Variants in RABGAP1 observed in about 807,000 individuals in gnomAD.
RABGAP1 encodes the protein rab GTPase-activating protein 1.
RABGAP1 carries 23 observed loss-of-function variants against 137.6 expected under a neutral mutation model. The observed-to-expected ratio is 0.17, with a 90% CI of 0.12 to 0.24. The LOEUF (loss-of-function observed/expected upper bound fraction) is 0.24, where lower values mean the gene tolerates loss of function less well. RABGAP1 is among the 10% of genes least tolerant of loss of function. The pLI is 1.00. For missense variants in RABGAP1, 906 were observed against 1,275.8 expected, an observed-to-expected ratio of 0.71 and a Z score of 4.42; for synonymous variants, 451 against 450.7, an observed-to-expected ratio of 1.00 and a Z score of -0.01.
chr9:123,058,480 CA>C (rs1413762120), intron 13 of RABGAP1, among the ~76,000 whole-genome samples: 1 of 151,494 alleles, frequency 6.6e-6, no homozygotes, highest in Non-Finnish European at 1.5e-5. Context: ...TACAAAAAAG[CA>C]AAACAATTTT....
At chr9:123,059,257 G>T (rs539449173) in intron 13 of RABGAP1, among the ~76,000 whole-genome samples, 1 of 152,250 alleles carries the variant, frequency 6.6e-6, no homozygotes, top group South Asian at 2.1e-4. Context: ...AAATTCATAT[G>T]TTAAAACCTA....
At position 122,989,656 on chromosome 9, in the gene RABGAP1, G is replaced by A. The variant is rs566474152; in HGVS notation, c.765+185G>A. The A allele has an allele frequency of 2.3e-5, 15 of 650,810 alleles. No homozygotes were observed. In the South Asian group the frequency reaches 2.9e-4, roughly 12 times the overall value. 40.3% of individuals were successfully genotyped at this position (650,810 alleles called of 1,614,324 possible). On this transcript the variant is annotated intron_variant, in intron 5 of 25. Transcript: ENST00000373647. Reference sequence around the variant, plus strand: ...TAAAAATTTGATTAACTAGAACTTTGTTACTACTACTAAGAATGTCAGAGG... The same window carrying A: ...TAAAAATTTGATTAACTAGAACTTTATTACTACTACTAAGAATGTCAGAGG...
intron 13 of RABGAP1, among the ~76,000 whole-genome samples, chr9:123,028,899 T>C (rs966655492): frequency 6.6e-6 from 1 of 152,334 alleles, no homozygotes; most frequent in African/African-American, 2.4e-5. Flanking sequence ...TTAGAATTAA[T>C]GTGTGAAAAT....
intron 13 of RABGAP1, chr9:123,062,403 A>G (rs2034011664): frequency 6.6e-6 from 1 of 152,210 alleles, no homozygotes; most frequent in African/African-American, 2.4e-5. Flanking sequence ...ACCTTTTCAA[A>G]TTTAATGTCA....
intron 4 of RABGAP1, among the ~76,000 whole-genome samples, chr9:122,989,093 T>C (rs889977675): frequency 2.6e-5 from 4 of 152,202 alleles, no homozygotes; most frequent in Non-Finnish European, 5.9e-5. Context: ...AACATGATAC[T>C]ATATGGTTTT....
chr9:123,035,293 C>G lies in RABGAP1; in HGVS notation c.1794+14834C>G, dbSNP rs148221592. On this transcript the variant is annotated intron_variant, in intron 13 of 25. Transcript: ENST00000373647. ...CCAGAGTGGGGAGACTGGGGAAGTG[C>G]AGGCCTGTCCTGATAAGCGCTATGC... is the stretch of plus-strand genomic sequence containing the variant. 7 of 1,614,030 alleles carry G rather than the reference C, an allele frequency of 4.3e-6. No homozygotes were observed. In the African/African-American group the frequency reaches 9.3e-5, roughly 22 times the overall value.
chr9:123,100,387 G>A (rs1296118199), intron 24 of RABGAP1, among the ~76,000 whole-genome samples: 2 of 11,372 alleles, frequency 1.8e-4, no homozygotes, highest in East Asian at 5.6e-4. Flanking sequence ...AACCAGATGT[G>A]TGTGTGTGTG....
In RABGAP1 at chr9:122,998,718, C is replaced by T. The variant is rs376557437; in HGVS notation, c.1326C>T (p.Pro442=). 1.1e-5 allele frequency: 17 copies of T among 1,611,900 alleles called. No homozygotes were observed. Among genetic ancestry groups the T allele is most frequent in the Non-Finnish European group, 1.4e-5 (16 of 1,178,536 alleles). ...CACCTAATGAAAGATTATTCTGGCCCTTCAGCAAACGTAGTACTACTGAAA... is the reference window on the plus strand; with the variant it reads ...CACCTAATGAAAGATTATTCTGGCCTTTCAGCAAACGTAGTACTACTGAAA... ...VCSPNERLFW[P]FSKRSTTENF... The change falls in exon 10 of 26, where the codon CCC becomes CCT. Residue 442 remains proline (P), a synonymous_variant. Transcript: ENST00000373647.
Position 122,996,521 on chromosome 9 carries a change from T to A in RABGAP1, c.1035-18T>A. 6.3e-7 allele frequency: 1 copy of A among 1,590,504 alleles called. No homozygotes were observed. Among genetic ancestry groups the A allele is most frequent in the Non-Finnish European group, 8.6e-7 (1 of 1,169,452 alleles). ...TGTTATCTTTTTTCTTAAATTTATG[T>A]CAGTTCTTTTTTTGTAGGTGTTTTG... On this transcript the variant is annotated intron_variant, in intron 7 of 25. Transcript: ENST00000373647.
chr9:122,995,769 A>G (rs982043257), intron 6 of RABGAP1, among the ~76,000 whole-genome samples: 19 of 152,026 alleles, frequency 1.2e-4, no homozygotes, highest in African/African-American at 4.6e-4. Flanking sequence ...GGGTTTTACC[A>G]TATTGCTCAG....
At chr9:123,010,258 C>T (rs985225707) in intron 10 of RABGAP1, 96 bp from the exon 11 acceptor site, 18 of 1,110,258 alleles carry the variant, frequency 1.6e-5, no homozygotes, top group East Asian at 7.4e-5. Flanking sequence ...TGCAGTGAGC[C>T]GAGATCACTG....
intron 1 of RABGAP1, among the ~76,000 whole-genome samples, chr9:122,943,586 T>C (rs189800605): frequency 7.2e-5 from 11 of 152,346 alleles, no homozygotes; most frequent in Admixed American, 5.9e-4. Flanking sequence ...AACTGTATTA[T>C]GCACTTTATC....
chr9:122,997,916 T>C (rs1002095972), intron 9 of RABGAP1, among the ~76,000 whole-genome samples: 6 of 152,180 alleles, frequency 3.9e-5, no homozygotes, highest in African/African-American at 1.4e-4. Flanking sequence ...TTTTTTGTTA[T>C]TAATAGCACT....
rs114467633 is a variant in RABGAP1 at position 123,054,181 on chromosome 9, C to T, written c.1795-11167C>T. 6.2e-3 allele frequency among the ~76,000 whole-genome samples: 950 copies of T among 152,312 alleles called. 9 individuals are homozygous for T. The highest frequency in any genetic ancestry group is 0.022 in the African/African-American group (898 of 41,562). On this transcript the variant is annotated intron_variant, in intron 13 of 25. Coordinates refer to ENST00000373647, the MANE Select transcript of RABGAP1 (RefSeq NM_012197.4). ...AGCTTCACCACTGCTTTATTGGATA[C>T]ACTCAAAGATCATCATAATTGGGGA...
At chr9:123,103,018 T>C in intron 25 of RABGAP1, 73 bp from the exon 26 acceptor site, 1 of 1,548,300 alleles carries the variant, frequency 6.5e-7, no homozygotes, top group Non-Finnish European at 8.7e-7. Context: ...CATTCTTGTC[T>C]TGGTTCTCCT....
intron 10 of RABGAP1, among the ~76,000 whole-genome samples, chr9:123,000,660 T>C (rs1301781030): frequency 6.6e-6 from 1 of 152,174 alleles, no homozygotes; most frequent in Non-Finnish European, 1.5e-5. Flanking sequence ...TGAGTCATCA[T>C]TTATAGCAAT....
chr9:123,050,079 A>G (rs2033389130), intron 13 of RABGAP1, among the ~76,000 whole-genome samples: 1 of 152,226 alleles, frequency 6.6e-6, no homozygotes, highest in Admixed American at 6.5e-5. Context: ...CATCGTCTGC[A>G]TTCTTTGTCA....
rs2033488787 is a variant in RABGAP1 at position 123,051,808 on chromosome 9, A to T, written c.1795-13540A>T. Among the ~76,000 whole-genome samples the T allele has an allele frequency of 5.3e-5, 8 of 150,610 alleles. No homozygotes were observed. The South Asian group carries it at 1.7e-3, about 31-fold the overall frequency. ...TATTTTATTTTATTATTATCTTTTT[A>T]TGAGACGGAGCCTTGCTCTGTCATC... On this transcript the variant is annotated intron_variant, in intron 13 of 25. Coordinates refer to ENST00000373647, the MANE Select transcript of RABGAP1 (RefSeq NM_012197.4).
At chr9:122,988,427 A>G (rs940129847) in intron 4 of RABGAP1, among the ~76,000 whole-genome samples, 2 of 152,028 alleles carry the variant, frequency 1.3e-5, no homozygotes, top group Non-Finnish European at 2.9e-5. Context: ...TATTTGTTGA[A>G]TAAGTAGATT....
Sources: gnomAD v4.1 joint callset for allele counts (sites outside exome capture counted in the v4.1 genomes callset) on GRCh38, gnomAD v4.1.1 for gene constraint, MANE v1.5 for transcripts, NCBI Gene and HGNC (gene_info 2026-07-23, HGNC 2026-07-21) for gene names.